Variants in RND2 observed in about 807,000 individuals in gnomAD.
RND2 encodes rho-related GTP-binding protein RhoN.
A neutral mutation model predicts 25.9 loss-of-function variants in RND2; 16 were observed. The observed-to-expected ratio is 0.62, with a 90% confidence interval of 0.42 to 0.94. The LOEUF (loss-of-function observed/expected upper bound fraction) is 0.94. Among genes scored for constraint, RND2 ranks in the 40% least tolerant of loss-of-function variants. The pLI, the probability that RND2 is intolerant of heterozygous loss-of-function variation, is 0.00. For synonymous variants in RND2, 97 were observed against 118.1 expected (o/e 0.82, Z 1.16); for missense variants, 276 against 305.5 (o/e 0.90, Z 0.72).
chr17:43,027,019 C>G (rs572501816), intron 2 of RND2, among the ~76,000 whole-genome samples, 164 bp from the exon 3 acceptor site: 15 of 152,340 alleles, frequency 9.8e-5, no homozygotes, highest in South Asian at 8.3e-4. Flanking sequence ...CCCGCTCCCC[C>G]ACTTGGGAAA....
rs1165542009 is a variant in RND2, at chr17:43,025,652, G to A, written c.102+203G>A. On this transcript the variant is annotated intron_variant, in intron 1 of 4. Coordinates refer to ENST00000587250, the MANE Select transcript of RND2 (RefSeq NM_005440.5). ...ATTAGGGAGCAGGGTGAGATAGATG[G>A]GGTTTGGGAGAACCAGAGCATCCGG... 5 of 278,552 alleles carry A rather than the reference G, an allele frequency of 1.8e-5. No homozygotes were observed. In the Admixed American group the frequency reaches 3.3e-4, roughly 18 times the overall value. The allele number at this position is 278,552 out of a possible 1,614,324, so 17.3% of individuals were successfully genotyped here.
In RND2 at chr17:43,030,759, G is replaced by A. The variant is rs1335134145; in HGVS notation, c.*2079G>A. On this transcript the variant is annotated 3_prime_UTR_variant, in exon 5 of 5. Transcript: ENST00000587250. ...CAGGGAGAATAGAAGACAAGGCTAG[G>A]AAGGTACACTGAGGCTACTGCAGGG... 1 of 152,206 alleles carries A rather than the reference G, an allele frequency of 6.6e-6. No individual in the cohort carries two copies. Among genetic ancestry groups the A allele is most frequent in the African/African-American group, 2.4e-5 (1 of 41,414 alleles). 9.4% of individuals were successfully genotyped at this position (152,206 alleles called of 1,614,324 possible).
Position 43,026,009 on chromosome 17 carries a change from A to G in RND2, c.152A>G (p.Asp51Gly). The G allele has an allele frequency of 6.2e-7, 1 of 1,613,066 alleles. No homozygotes were observed. ...AACTACACTGCGAGCTTTGAGATCG[A>G]CAAGCGCCGCATTGAGCTCAACATG... Reference protein sequence around the residue: ...FENYTASFEIDKRRIELNMWD... With the variant: ...FENYTASFEIGKRRIELNMWD... Residue 51 changes from aspartate (D) to glycine (G), a missense_variant, in exon 2 of 5, where the codon GAC becomes GGC. By Grantham distance (94) the Asp-to-Gly change is moderately conservative (BLOSUM62 -1). Coordinates refer to ENST00000587250, the MANE Select transcript of RND2 (RefSeq NM_005440.5).
Position 43,028,647 on chromosome 17 carries a change from C to T in RND2, c.651C>T (p.His217=). ...RPDRGNEGEI[H]KDRAKSCNLM Reference sequence around the variant, plus strand: ...ACCGGGGGAATGAGGGCGAGATACACAAGGATCGAGCCAAAAGCTGCAACC... The same window carrying T: ...ACCGGGGGAATGAGGGCGAGATACATAAGGATCGAGCCAAAAGCTGCAACC... Residue 217 remains histidine (H), a synonymous_variant, in exon 5 of 5, where the codon CAC becomes CAT. Transcript: ENST00000587250. 6.3e-7 allele frequency: 1 copy of T among 1,596,738 alleles called. No individual in the cohort carries two copies. Among genetic ancestry groups the T allele is most frequent in the Non-Finnish European group, 8.5e-7 (1 of 1,171,322 alleles).
rs2050610756 is a variant in RND2, at chr17:43,025,322, T to TG, written c.-21dup. ...GGCGGGGCCCGGGAGAGGGGTGGCG[T>TG]GGGGGACCGGCGCGTAGCCGGGACC... On this transcript the variant is annotated 5_prime_UTR_variant, in exon 1 of 5. The change abolishes the stop of an existing upstream ORF in the 5' untranslated region. Transcript: ENST00000587250. The TG allele has an allele frequency of 1.3e-6, 2 of 1,496,908 alleles. No individual in the cohort carries two copies. Among genetic ancestry groups the TG allele is most frequent in the East Asian group, 2.7e-5 (1 of 36,786 alleles). The allele number at this position is 1,496,908 out of a possible 1,614,324, so 92.7% of individuals were successfully genotyped here. A position where few individuals can be genotyped will look rare whatever the true frequency, so the allele number is the denominator to read the frequency against.
intron 1 of RND2, 24 bp downstream of exon 1, chr17:43,025,473 G>T: frequency 6.5e-7 from 1 of 1,544,108 alleles, no homozygotes; most frequent in Non-Finnish European, 8.7e-7. Flanking sequence ...GTCTTGGGAG[G>T]GGGACGCTAA....
chr17:43,028,767 T>A lies in RND2; in HGVS notation c.*87T>A. On this transcript the variant is annotated 3_prime_UTR_variant, in exon 5 of 5. Transcript: ENST00000587250. ...GCGCCCAGGCTTCCTGACCTCCTGA[T>A]CCTGGCTGGGAAGTTAGGGCAGGCA... 5.4e-6 allele frequency: 8 copies of A among 1,477,262 alleles called. No individual in the cohort carries two copies. The highest frequency in any genetic ancestry group is 7.2e-6 in the Non-Finnish European group (8 of 1,110,830). 91.5% of individuals were successfully genotyped at this position (1,477,262 alleles called of 1,614,324 possible). A position where few individuals can be genotyped will look rare whatever the true frequency, so the allele number is the denominator to read the frequency against.
rs1044234729 is a variant in RND2, at chr17:43,028,744, G to A, written c.*64G>A. The A allele has an allele frequency of 1.3e-5, 19 of 1,494,712 alleles. No homozygotes were observed. The highest frequency in any genetic ancestry group is 1.5e-5 in the Non-Finnish European group (17 of 1,119,042). The allele number at this position is 1,494,712 out of a possible 1,614,324, so 92.6% of individuals were successfully genotyped here. A position where few individuals can be genotyped will look rare whatever the true frequency, so the allele number is the denominator to read the frequency against. On this transcript the variant is annotated 3_prime_UTR_variant, in exon 5 of 5. Transcript: ENST00000587250. The stretch of plus-strand genomic sequence containing the variant: ...GGGACACAATTGTTCCCCTGCCTGC[G>A]CCCAGGCTTCCTGACCTCCTGATCC...
intron 2 of RND2, 66 bp downstream of exon 2, chr17:43,026,113 G>C: frequency 9.7e-6 from 11 of 1,135,672 alleles, no homozygotes; most frequent in Non-Finnish European, 1.5e-5. Context: ...CCCTTGGTTA[G>C]ACCCTTAGGT....
Position 43,025,431 on chromosome 17 carries a change from C to G in RND2, c.84C>G (p.Ala28=). The change falls in exon 1 of 5, where the codon GCC becomes GCG. Residue 28 remains alanine, a synonymous_variant. Transcript: ENST00000587250. ...CGKTALLQVF[A]KDAYPGSYVP... is the part of the protein sequence containing the mutation. ...AGACGGCGCTGCTGCAGGTGTTCGC[C>G]AAGGACGCCTATCCCGGGGTGAGGG... 1 of 1,546,774 alleles carries G rather than the reference C, an allele frequency of 6.5e-7. No individual in the cohort carries two copies. The highest frequency in any genetic ancestry group is 8.7e-7 in the Non-Finnish European group (1 of 1,146,338).
rs1404232421 is a variant in RND2 at position 43,028,920 on chromosome 17, G to C, written c.*240G>C. ...GGGCTGGCATCTGGGGCATGAACTG[G>C]GATGGGGCAGGTGGGCGTTAGGGAA... On this transcript the variant is annotated 3_prime_UTR_variant, in exon 5 of 5. Transcript: ENST00000587250. 1.7e-5 allele frequency: 10 copies of C among 580,788 alleles called. No homozygotes were observed. The highest frequency in any genetic ancestry group is 1.7e-4 in the African/African-American group (9 of 53,268). The allele number at this position is 580,788 out of a possible 1,614,324, so 36.0% of individuals were successfully genotyped here. A position where few individuals can be genotyped will look rare whatever the true frequency, so the allele number is the denominator to read the frequency against.
chr17:43,026,982 G>A (rs941796909), intron 2 of RND2, among the ~76,000 whole-genome samples: 1 of 152,214 alleles, frequency 6.6e-6, no homozygotes, highest in African/African-American at 2.4e-5. Flanking sequence ...GCAGAGAGCC[G>A]TTTCCCACCA....
In RND2 at chr17:43,026,051, G is replaced by A. The variant is rs1448817885; in HGVS notation, c.190+4G>A. 3.7e-6 allele frequency: 6 copies of A among 1,604,666 alleles called. No homozygotes were observed. Among genetic ancestry groups the A allele is most frequent in the Admixed American group, 1.7e-5 (1 of 59,830 alleles). On this transcript the variant is annotated splice_donor_region_variant and intron_variant, in intron 2 of 4. Coordinates refer to ENST00000587250, the MANE Select transcript of RND2 (RefSeq NM_005440.5). ...CTCAACATGTGGGACACTTCAGGTA[G>A]CCAAGTCCCTGGGGGTCACCCTGAC...
rs1476519855 is a variant in RND2, at chr17:43,030,672, G to A, written c.*1992G>A. On this transcript the variant is annotated 3_prime_UTR_variant, in exon 5 of 5. Transcript: ENST00000587250. Reference sequence around the variant, plus strand: ...GGTAGGAAAGGCACTCTGGGCAGAGGGTACAGCATGTGTAAACACGTGGAG... The same window carrying A: ...GGTAGGAAAGGCACTCTGGGCAGAGAGTACAGCATGTGTAAACACGTGGAG... The A allele has an allele frequency of 6.6e-6, 1 of 152,270 alleles. No homozygotes were observed. The highest frequency in any genetic ancestry group is 1.5e-5 in the Non-Finnish European group (1 of 68,130). The allele number at this position is 152,270 out of a possible 1,614,324, so 9.4% of individuals were successfully genotyped here. A position where few individuals can be genotyped will look rare whatever the true frequency, so the allele number is the denominator to read the frequency against.
Position 43,027,241 on chromosome 17 carries a change from C to A in RND2, c.249C>A (p.Leu83=). 1 of 1,613,150 alleles carries A rather than the reference C, an allele frequency of 6.2e-7. No individual in the cohort carries two copies. The highest frequency in any genetic ancestry group is 1.1e-5 in the South Asian group (1 of 90,912). ...CCTATCCTGATTCTGATGCTGTGCTCATCTGCTTCGACATTAGCCGACCAG... is the reference window on the plus strand; with the variant it reads ...CCTATCCTGATTCTGATGCTGTGCTAATCTGCTTCGACATTAGCCGACCAG... The part of the protein sequence containing the change: ...PLAYPDSDAV[L]ICFDISRPET... The change falls in exon 3 of 5, where the codon CTC becomes CTA. Residue 83 remains leucine, a synonymous_variant. Transcript: ENST00000587250.
intron 2 of RND2, among the ~76,000 whole-genome samples, chr17:43,026,944 A>C (rs896435222): frequency 1.3e-5 from 2 of 152,200 alleles, no homozygotes; most frequent in Non-Finnish European, 2.9e-5. Flanking sequence ...CAAGAATAAA[A>C]ATTATTACTT....
intron 2 of RND2, among the ~76,000 whole-genome samples, chr17:43,026,585 G>C (rs1303693592): frequency 6.6e-6 from 1 of 152,184 alleles, no homozygotes; most frequent in African/African-American, 2.4e-5. Flanking sequence ...GGAGGCGGAG[G>C]CTGCAGTGAG....
Position 43,028,210 on chromosome 17 carries a change from G to A in RND2, c.435+15G>A, listed in dbSNP as rs778868920. On this transcript the variant is annotated intron_variant, in intron 4 of 4. Transcript: ENST00000587250. ...CACATGAGCAGGTGGGACCCTTGACGTCTGACCTCATCCCAGCCTAGACCT... is the reference window on the plus strand; with the variant it reads ...CACATGAGCAGGTGGGACCCTTGACATCTGACCTCATCCCAGCCTAGACCT... 13 of 1,613,876 alleles carry A rather than the reference G, an allele frequency of 8.1e-6. No individual in the cohort carries two copies. The highest frequency in any genetic ancestry group is 5.3e-5 in the African/African-American group (4 of 74,902).
chr17:43,025,586 T>G, intron 1 of RND2, 137 bp downstream of exon 1: 1 of 1,233,608 alleles, frequency 8.1e-7, no homozygotes. Context: ...GGGGAGGCCT[T>G]GAGGGCTCAG....
Sources: allele counts gnomAD v4.1 joint callset (sites outside exome capture counted in the v4.1 genomes callset), GRCh38; gene constraint gnomAD v4.1.1; transcripts MANE v1.5; gene names NCBI Gene and HGNC (gene_info 2026-07-23, HGNC 2026-07-21).